Variants in MRPL43 observed in about 807,000 individuals in gnomAD.
MRPL43 encodes large ribosomal subunit protein mL43.
Under a neutral mutation model 12.7 loss-of-function variants are expected in MRPL43, and 9 were observed. That is an observed-to-expected ratio of 0.71 (90% CI 0.43 to 1.24). MRPL43 has a LOEUF of 1.24. Ranked by LOEUF, MRPL43 falls within the 50% of genes most tolerant of loss-of-function variation. The pLI is 0.00. For missense variants in MRPL43, 211 were observed against 229.2 expected (o/e 0.92, Z 0.51); for synonymous variants, 116 against 96.4 (o/e 1.20, Z -1.19).
rs1227697693 is a variant in MRPL43 at position 100,986,971 on chromosome 10, G to GT, written c.242dup (p.Asn81LysfsTer45). The GT allele has an allele frequency of 1.2e-6, 2 of 1,606,128 alleles. No homozygotes were observed. The highest frequency in any genetic ancestry group is 1.7e-5 in the Admixed American group (1 of 60,004). ...GGATGCTCTCCTCGCGCACAGCCCC[G>GT]TTAACTGGCAGAAGAGGGGTGAGAG... is the stretch of plus-strand genomic sequence containing the variant. On this transcript the variant is annotated frameshift_variant, in exon 3 of 3. Coordinates refer to ENST00000318364, the MANE Select transcript of MRPL43 (RefSeq NM_032112.3). LOFTEE classifies it high-confidence loss of function.
downstream of MRPL43, chr10:100,985,687 C>T (rs954503227): frequency 6.6e-6 from 1 of 152,578 alleles, no homozygotes; most frequent in African/African-American, 2.4e-5. Context: ...TGAGCCTATA[C>T]AGAAGGTGAT....
chr10:100,980,836 G>A (rs766932360), downstream of MRPL43: 1 of 1,579,746 alleles, frequency 6.3e-7, no homozygotes, highest in African/African-American at 1.4e-5. Context: ...GCCTCTATGT[G>A]GGGGCTCCTA....
chr10:100,986,534 A>T lies in MRPL43; in HGVS notation c.*200T>A. The T allele has an allele frequency of 6.4e-7, 1 of 1,554,418 alleles. No individual in the cohort carries two copies. The highest frequency in any genetic ancestry group is 8.7e-7 in the Non-Finnish European group (1 of 1,148,710). On this transcript the variant is annotated 3_prime_UTR_variant, in exon 3 of 3. Coordinates refer to ENST00000318364, the MANE Select transcript of MRPL43 (RefSeq NM_032112.3). ...TTTTAGGGATGCCACTTGCATAAAA[A>T]TGAGTGGTTCACAAGGTCACTGCCC... is the stretch of plus-strand genomic sequence containing the variant.
At chr10:100,977,901 C>G, downstream of MRPL43, 2 of 611,400 alleles carry the variant, frequency 3.3e-6, no homozygotes, top group Non-Finnish European at 2.9e-6. Flanking sequence ...AACCATTCCC[C>G]TTTGTAAAAA....
At chr10:100,980,328 G>C, downstream of MRPL43, 1 of 1,614,138 alleles carries the variant, frequency 6.2e-7, no homozygotes, top group Non-Finnish European at 8.5e-7. Flanking sequence ...CCTATGACCT[G>C]CTCTTTCTGG....
downstream of MRPL43, chr10:100,984,835 C>T (rs1284040676): frequency 6.6e-7 from 1 of 1,512,806 alleles, no homozygotes; most frequent in African/African-American, 1.4e-5. Context: ...CCTCTCCCTT[C>T]CTGTGTGGCC....
chr10:100,982,514 C>G (rs750741689), downstream of MRPL43, among the ~76,000 whole-genome samples: 1 of 152,184 alleles, frequency 6.6e-6, no homozygotes, highest in Non-Finnish European at 1.5e-5. Flanking sequence ...GAAGAAGGGC[C>G]GGGCACGGTG....
At chr10:100,981,300 G>C, downstream of MRPL43, 1 of 1,593,674 alleles carries the variant, frequency 6.3e-7, no homozygotes, top group South Asian at 1.1e-5. Context: ...CCATGTGTAC[G>C]TATATGTTTG....
chr10:100,984,030 G>A, downstream of MRPL43: 5 of 1,613,634 alleles, frequency 3.1e-6, 1 homozygote, highest in Non-Finnish European at 4.2e-6. Context: ...CAACAATGGA[G>A]TACCAGCAGG....
At chr10:100,984,598 G>A (rs1173815254), downstream of MRPL43, 8 of 1,536,084 alleles carry the variant, frequency 5.2e-6, no homozygotes, top group Non-Finnish European at 6.1e-6. Context: ...CCTAAGCCCT[G>A]CGTACATTCA....
At chr10:100,979,230 C>A (rs761950373), downstream of MRPL43, 203 of 1,614,078 alleles carry the variant, frequency 1.3e-4, no homozygotes, top group Admixed American at 3.3e-3. Context: ...AAACCTCAAG[C>A]CGTACACACT....
At position 100,986,695 on chromosome 10, in the gene MRPL43, C is replaced by A. The variant is rs747061358; in HGVS notation, c.*39G>T. ...GGAAGAACCACCTTTACCGGAGTAA[C>A]AGTCCAAAGCCTGGGGCTGCAGTTG... On this transcript the variant is annotated 3_prime_UTR_variant, in exon 3 of 3. Transcript: ENST00000318364. The A allele has an allele frequency of 2.5e-6, 4 of 1,613,692 alleles. No individual in the cohort carries two copies. The highest frequency in any genetic ancestry group is 2.7e-5 in the African/African-American group (2 of 74,910).
At position 100,986,866 on chromosome 10, in the gene MRPL43, G is replaced by A. The variant is rs774827116; in HGVS notation, c.348C>T (p.Arg116=). Residue 116 remains arginine, a synonymous_variant, in exon 3 of 3, where the codon CGC becomes CGT. Transcript: ENST00000318364. ...DQSGLDVIRI[R]KPFHTDNPSI... ...TAGGGTTGTCGGTGTGGAAGGGCTTGCGGATGCGGATCACGTCCAAGCCCG... is the reference window on the plus strand; with the variant it reads ...TAGGGTTGTCGGTGTGGAAGGGCTTACGGATGCGGATCACGTCCAAGCCCG... 3.9e-5 allele frequency: 63 copies of A among 1,613,498 alleles called. No individual in the cohort carries two copies. Among genetic ancestry groups the A allele is most frequent in the Middle Eastern group, 3.3e-4 (2 of 6,084 alleles).
downstream of MRPL43, chr10:100,981,351 C>T: frequency 1.2e-6 from 2 of 1,606,660 alleles, no homozygotes; most frequent in Non-Finnish European, 1.7e-6. Context: ...GTAAGGATGA[C>T]TCAAACACAG....
chr10:100,980,525 G>T, downstream of MRPL43: 1 of 1,511,522 alleles, frequency 6.6e-7, no homozygotes, highest in East Asian at 2.3e-5. Flanking sequence ...CTTGCAGGGT[G>T]CTGAGAGCAG....
downstream of MRPL43, chr10:100,984,143 C>A: frequency 6.3e-7 from 1 of 1,595,974 alleles, no homozygotes; most frequent in South Asian, 1.1e-5. Context: ...CCCAGCCTCC[C>A]AGAACAAATG....
downstream of MRPL43, chr10:100,984,203 C>A: frequency 6.6e-7 from 1 of 1,523,130 alleles, no homozygotes. Context: ...GCCTCCCTAA[C>A]ACAGCCACCC....
rs1215723460 is a variant in MRPL43 at position 100,986,392 on chromosome 10, A to G, written c.*342T>C. ...TCAGTGGTTGTTCCAATAAGACATC[A>G]GGGATTCTTCAGAAGCCAGCCTTCA... On this transcript the variant is annotated 3_prime_UTR_variant, in exon 3 of 3. Transcript: ENST00000318364. 6.8e-7 allele frequency: 1 copy of G among 1,470,882 alleles called. No homozygotes were observed. 91.1% of individuals were successfully genotyped at this position (1,470,882 alleles called of 1,614,324 possible). A position where few individuals can be genotyped will look rare whatever the true frequency, so the allele number is the denominator to read the frequency against.
chr10:100,982,729 T>C (rs1589996760), downstream of MRPL43, among the ~76,000 whole-genome samples: 1 of 151,880 alleles, frequency 6.6e-6, no homozygotes, highest in East Asian at 1.9e-4. Context: ...GAGGTGGAGG[T>C]TGCAGTGAGC....
Sources: allele counts gnomAD v4.1 joint callset (sites outside exome capture counted in the v4.1 genomes callset), GRCh38; gene constraint gnomAD v4.1.1; transcripts MANE v1.5; gene names NCBI Gene and HGNC (gene_info 2026-07-23, HGNC 2026-07-21).